VIRMA: variants seen among roughly 807,000 people sequenced by gnomAD.
VIRMA encodes vir like m6A methyltransferase associated, also known as protein virilizer homolog.
A neutral mutation model predicts 182.4 loss-of-function variants in VIRMA; 65 were observed. The observed-to-expected ratio is 0.36, with a 90% CI of 0.29 to 0.44. VIRMA has a LOEUF of 0.44. Among genes scored for constraint, VIRMA ranks in the 20% least tolerant of loss-of-function variants. VIRMA has a pLI of 1.00. For missense variants in VIRMA, 1,752 were observed against 2,158.1 expected, an observed-to-expected ratio of 0.81 and a Z score of 3.73; for synonymous variants, 709 against 743.1, an observed-to-expected ratio of 0.95 and a Z score of 0.75.
chr8:94,514,993 C>T, intron 10 of VIRMA, 42 bp from the exon 11 acceptor site: 1 of 964,240 alleles, frequency 1.0e-6, no homozygotes, highest in Non-Finnish European at 1.5e-6. Context: ...AAATAGAAGG[C>T]TTTATAACAA....
At chr8:94,510,916 G>A in intron 13 of VIRMA, 1 of 1,195,478 alleles carries the variant, frequency 8.4e-7, no homozygotes, top group East Asian at 2.7e-5. Context: ...TAAGGTGTGG[G>A]GGAAAGGATT....
chr8:94,495,974 A>G lies in VIRMA; in HGVS notation c.4384-83T>C, dbSNP rs910522124. On this transcript the variant is annotated intron_variant, in intron 18 of 23. Transcript: ENST00000297591. ...TACTGACTCTTTCGTAGAAAAGGCT[A>G]TATGTATTATTACTAAGAAATTTGG... 33 of 1,221,144 alleles carry G rather than the reference A, an allele frequency of 2.7e-5. No individual in the cohort carries two copies. In the African/African-American group the frequency reaches 4.1e-4, roughly 15 times the overall value. The allele number at this position is 1,221,144 out of a possible 1,614,324, so 75.6% of individuals were successfully genotyped here. A position where few individuals can be genotyped will look rare whatever the true frequency, so the allele number is the denominator to read the frequency against.
intron 1 of VIRMA, among the ~76,000 whole-genome samples, chr8:94,550,290 ATT>A (rs11356608): frequency 0.042 from 6,021 of 143,074 alleles, 127 homozygotes; most frequent in Non-Finnish European, 0.052. Flanking sequence ...TCTCTGAACC[ATT>A]TTTTTTTTTT....
At chr8:94,550,290 A>ATTTT (rs11356608) in intron 1 of VIRMA, among the ~76,000 whole-genome samples, 2 of 143,096 alleles carry the variant, frequency 1.4e-5, no homozygotes, top group African/African-American at 2.6e-5. Flanking sequence ...TCTCTGAACC[A>ATTTT]TTTTTTTTTT....
chr8:94,529,946 T>C (rs999654040), intron 6 of VIRMA, among the ~76,000 whole-genome samples: 1 of 152,052 alleles, frequency 6.6e-6, no homozygotes, highest in Non-Finnish European at 1.5e-5. Flanking sequence ...GGCCTATTTT[T>C]ATTTTATTTT....
chr8:94,516,404 C>T (rs956392388), intron 10 of VIRMA, among the ~76,000 whole-genome samples: 1 of 152,102 alleles, frequency 6.6e-6, no homozygotes, highest in Non-Finnish European at 1.5e-5. Flanking sequence ...CCATTTACTG[C>T]AAACAAACTC....
intron 1 of VIRMA, among the ~76,000 whole-genome samples, chr8:94,552,754 A>ATGTC (rs1355935574): frequency 2.0e-5 from 3 of 152,302 alleles, no homozygotes; most frequent in Admixed American, 2.0e-4. Flanking sequence ...CTCAAAGGAG[A>ATGTC]TGTCTGCTGA....
chr8:94,495,921 G>A (rs1438489903), intron 18 of VIRMA, 30 bp from the exon 19 acceptor site: 1 of 1,597,838 alleles, frequency 6.3e-7, no homozygotes, highest in East Asian at 2.2e-5. Context: ...GAATAAGAAG[G>A]TGCAGGTAAA....
At chr8:94,506,433 G>T in intron 16 of VIRMA, 67 bp downstream of exon 16, 1 of 968,144 alleles carries the variant, frequency 1.0e-6, no homozygotes, top group Non-Finnish European at 1.6e-6. Context: ...ATTAATGTGG[G>T]GTGAAGGAGC....
At chr8:94,516,654 A>G (rs866949648) in intron 10 of VIRMA, among the ~76,000 whole-genome samples, 49 of 152,316 alleles carry the variant, frequency 3.2e-4, no homozygotes, top group Middle Eastern at 3.4e-3. Context: ...TCAAAGATAT[A>G]AGAAATAATA....
rs1330574975 is a variant in VIRMA, at chr8:94,527,463, G to T, written c.881-100C>A. 4 of 763,924 alleles carry T rather than the reference G, an allele frequency of 5.2e-6. No homozygotes were observed. The East Asian group carries it at 8.7e-5, about 17-fold the overall frequency. The allele number at this position is 763,924 out of a possible 1,614,324, so 47.3% of individuals were successfully genotyped here. A position where few individuals can be genotyped will look rare whatever the true frequency, so the allele number is the denominator to read the frequency against. On this transcript the variant is annotated intron_variant, in intron 7 of 23. Transcript: ENST00000297591. ...ATAGTTTTAATAAAACATTAAAAAT[G>T]ATTTCCTCAACAAAACCAACTTCTG...
Position 94,488,484 on chromosome 8 carries a change from AAT to A in VIRMA, c.*220_*221del, listed in dbSNP as rs1813511626. The A allele has an allele frequency of 2.5e-6, 1 of 408,154 alleles. No homozygotes were observed. The highest frequency in any genetic ancestry group is 4.4e-6 in the Non-Finnish European group (1 of 229,220). The allele number at this position is 408,154 out of a possible 1,614,324, so 25.3% of individuals were successfully genotyped here. On this transcript the variant is annotated 3_prime_UTR_variant, in exon 24 of 24. Transcript: ENST00000297591. ...TTTTCACCTAGAAATTTTCTAAATA[AAT>A]AGTCATACAAAAAAGGGAAAATATA...
intron 2 of VIRMA, among the ~76,000 whole-genome samples, chr8:94,542,083 T>A (rs75014746): frequency 7.2e-4 from 110 of 152,280 alleles, no homozygotes; most frequent in Non-Finnish European, 1.5e-3. Context: ...GTCCCTAAGA[T>A]GACCCCAATG....
At chr8:94,541,086 G>C (rs899245129) in intron 2 of VIRMA, among the ~76,000 whole-genome samples, 18 of 150,730 alleles carry the variant, frequency 1.2e-4, no homozygotes, top group Non-Finnish European at 2.4e-4. Flanking sequence ...CAAATGTTAA[G>C]ATGCTCTTGG....
In VIRMA at chr8:94,511,436, T is replaced by G. The variant is rs1814369840; in HGVS notation, c.3139A>C (p.Ile1047Leu). ...CTATCCAAACGACCTGAGAGGGGGA[T>G]AGAGCACAGGAGCATATGTAAAGTA... is the stretch of plus-strand genomic sequence containing the variant. ...LVTLHMLLCS[I>L]PLSGRLDSDE... The change falls in exon 13 of 24, where the codon ATC becomes CTC. Residue 1047 changes from isoleucine to leucine, a missense_variant. Ile to Leu is a conservative substitution (Grantham distance 5). This residue lies in a region of VIRMA where 777 missense variants were observed against 920.6 expected (regional missense o/e 0.84). Transcript: ENST00000297591. The G allele has an allele frequency of 3.7e-6, 6 of 1,614,012 alleles. No homozygotes were observed. Among genetic ancestry groups the G allele is most frequent in the South Asian group, 1.1e-5 (1 of 91,088 alleles).
chr8:94,496,693 T>C (rs1474210545), intron 17 of VIRMA: 4 of 417,792 alleles, frequency 9.6e-6, no homozygotes, highest in South Asian at 7.3e-5. Flanking sequence ...TAAGCAAACA[T>C]ATATTTTACT....
At chr8:94,541,275 C>A (rs1384760619) in intron 2 of VIRMA, among the ~76,000 whole-genome samples, 1 of 152,080 alleles carries the variant, frequency 6.6e-6, no homozygotes, top group East Asian at 1.9e-4. Context: ...GCATGAGCCA[C>A]CACGCCCAAC....
chr8:94,501,988 G>C (rs1422146625), intron 16 of VIRMA, among the ~76,000 whole-genome samples: 1 of 152,136 alleles, frequency 6.6e-6, no homozygotes, highest in Non-Finnish European at 1.5e-5. Flanking sequence ...TCTTTGTTGA[G>C]TTTCTATCTT....
chr8:94,515,440 C>T (rs950544749), intron 10 of VIRMA, among the ~76,000 whole-genome samples: 4 of 152,038 alleles, frequency 2.6e-5, no homozygotes, highest in South Asian at 4.2e-4. Flanking sequence ...AGTGTGATCA[C>T]GGCTCACTGC....
Sources: gnomAD v4.1 joint callset for allele counts (sites outside exome capture counted in the v4.1 genomes callset) on GRCh38, gnomAD v4.1.1 for gene constraint, gnomAD v4.1.1 regional missense constraint, MANE v1.5 for transcripts, NCBI Gene and HGNC (gene_info 2026-07-23, HGNC 2026-07-21) for gene names.